The following DENND2B variants were observed in gnomAD, a reference collection of about 807,000 sequenced individuals.
DENND2B encodes DENN domain-containing protein 2B.
A neutral mutation model predicts 116.0 loss-of-function variants in DENND2B; 32 were observed. That is an observed-to-expected ratio of 0.28 (90% CI 0.21 to 0.37). DENND2B has a LOEUF of 0.37. Ranked by LOEUF, DENND2B falls within the 10% of genes least tolerant of loss-of-function variation. The probability of loss-of-function intolerance (pLI) is 1.00; values close to 1 mark genes in which losing one functional copy is unlikely to be tolerated. For missense variants in DENND2B, 1,276 were observed against 1,477.7 expected (o/e 0.86, Z 2.24); for synonymous variants, 588 against 583.9 (o/e 1.01, Z -0.10).
intron 4 of DENND2B, among the ~76,000 whole-genome samples, chr11:8,834,667 C>T (rs1359109547): frequency 6.6e-6 from 1 of 152,204 alleles, no homozygotes; most frequent in African/African-American, 2.4e-5. Context: ...ACTTTTCTTC[C>T]TCTTCATGCA....
At chr11:8,733,321 G>T (rs1011803251) in intron 2 of DENND2B, among the ~76,000 whole-genome samples, 17 of 152,316 alleles carry the variant, frequency 1.1e-4, no homozygotes, top group African/African-American at 4.1e-4. Context: ...TAGCCCCTAA[G>T]TGAATGAGTG....
Position 8,712,507 on chromosome 11 carries a change from G to T in DENND2B, c.2172+44C>A. The T allele has an allele frequency of 6.5e-7, 1 of 1,529,372 alleles. No individual in the cohort carries two copies. Among genetic ancestry groups the T allele is most frequent in the South Asian group, 1.2e-5 (1 of 81,684 alleles). 94.7% of individuals were successfully genotyped at this position (1,529,372 alleles called of 1,614,324 possible). A position where few individuals can be genotyped will look rare whatever the true frequency, so the allele number is the denominator to read the frequency against. On this transcript the variant is annotated intron_variant, in intron 9 of 19. Coordinates refer to ENST00000313726, the MANE Select transcript of DENND2B (RefSeq NM_213618.2). The surrounding 1 kb of genome is among the most constrained non-coding windows in gnomAD (Gnocchi z 4.4). ...AGATAGGCCTGGCGGATAGAGGATG[G>T]AAGAGGGGGAATATGGGCAAGGTGG...
At chr11:8,782,638 G>A (rs1237425010) in intron 1 of DENND2B, among the ~76,000 whole-genome samples, 1 of 152,094 alleles carries the variant, frequency 6.6e-6, no homozygotes, top group Non-Finnish European at 1.5e-5. Context: ...TGTAATCCCA[G>A]CACTTTGGGA....
chr11:8,702,086 A>G lies in DENND2B; in HGVS notation c.2720+486T>C, dbSNP rs566510335. On this transcript the variant is annotated intron_variant, in intron 14 of 19. Transcript: ENST00000313726. This position sits in a 1 kb window ranked among gnomAD's most constrained non-coding sequence, Gnocchi z 4.6. The stretch of plus-strand genomic sequence containing the variant: ...CTGGGCCACTGCAGTTGCCTTCTCC[A>G]GGGGACACCCTCCACAGGACCCTCG... 1.3e-4 allele frequency among the ~76,000 whole-genome samples: 20 copies of G among 152,042 alleles called. No individual in the cohort carries two copies. The South Asian group carries it at 3.5e-3, about 27-fold the overall frequency.
At chr11:8,703,077 C>T in intron 13 of DENND2B, 2 of 232,464 alleles carry the variant, frequency 8.6e-6, no homozygotes, top group Non-Finnish European at 1.7e-5. Context: ...GTCCTCCTGC[C>T]CACCTCCCCA....
chr11:8,729,567 C>T (rs945410567), intron 3 of DENND2B, among the ~76,000 whole-genome samples: 4 of 152,310 alleles, frequency 2.6e-5, no homozygotes, highest in African/African-American at 9.6e-5. Context: ...AATGCTGGTA[C>T]TTCAGGTGGT....
At position 8,862,322 on chromosome 11, in the gene DENND2B, C is replaced by CT. The variant is rs557309893; in HGVS notation, c.-249-4887dup. ...GGGGAAAAAGATTAACTTTTTCACT[C>CT]TTTTTTTTTTTTTTTTTTTTTTTTT... On this transcript the variant is annotated intron_variant, in intron 2 of 6. Transcript: ENST00000524757. 2.2e-3 allele frequency among the ~76,000 whole-genome samples: 144 copies of CT among 64,760 alleles called. 1 individual carries two copies. The highest frequency in any genetic ancestry group is 4.1e-3 in the African/African-American group (77 of 18,756). 42.5% of individuals were successfully genotyped at this position (64,760 alleles called of 152,430 possible). A position where few individuals can be genotyped will look rare whatever the true frequency, so the allele number is the denominator to read the frequency against.
chr11:8,726,602 C>T (rs2047121385), intron 3 of DENND2B, among the ~76,000 whole-genome samples: 1 of 152,368 alleles, frequency 6.6e-6, no homozygotes, highest in African/African-American at 2.4e-5. Context: ...GGCGACGTCT[C>T]ACTCCAGGGC....
intron 1 of DENND2B, chr11:8,774,183 T>C (rs1378176060): frequency 1.7e-5 from 17 of 985,364 alleles, no homozygotes; most frequent in Middle Eastern, 5.2e-4. Context: ...AGCCTTCACG[T>C]TGGGTTCTTG....
intron 4 of DENND2B, among the ~76,000 whole-genome samples, chr11:8,721,294 C>G (rs2046123901): frequency 6.7e-6 from 1 of 149,082 alleles, no homozygotes; most frequent in South Asian, 2.1e-4. Context: ...CAACCTCCCA[C>G]TCCTCTCCAC....
intron 2 of DENND2B, among the ~76,000 whole-genome samples, chr11:8,734,070 C>G (rs1003423094): frequency 6.6e-6 from 1 of 152,178 alleles, no homozygotes; most frequent in African/African-American, 2.4e-5. Context: ...ACAGAGAAGG[C>G]ACCAGTCACT....
intron 4 of DENND2B, among the ~76,000 whole-genome samples, chr11:8,829,715 AG>A (rs2062129158): frequency 6.6e-6 from 1 of 152,046 alleles, no homozygotes. Flanking sequence ...TTGTCTTAGG[AG>A]GGAGAGGCCT....
intron 4 of DENND2B, among the ~76,000 whole-genome samples, chr11:8,823,327 G>C (rs2061838280): frequency 6.6e-6 from 1 of 152,142 alleles, no homozygotes; most frequent in Non-Finnish European, 1.5e-5. Flanking sequence ...TCCAAACAGT[G>C]CTATGAAATG....
intron 2 of DENND2B, among the ~76,000 whole-genome samples, chr11:8,869,020 G>A (rs1310558831): frequency 6.6e-6 from 1 of 152,196 alleles, no homozygotes; most frequent in African/African-American, 2.4e-5. Flanking sequence ...TATCCTTAGA[G>A]TCAGTGTATT....
At chr11:8,777,109 A>G (rs137953145) in intron 1 of DENND2B, among the ~76,000 whole-genome samples, 248 of 152,308 alleles carry the variant, frequency 1.6e-3, no homozygotes, top group African/African-American at 3.8e-3. Context: ...ATTTAAGATT[A>G]CTTTGGTCCT....
At chr11:8,881,604 C>T (rs2063904402) in intron 1 of DENND2B, among the ~76,000 whole-genome samples, 2 of 152,156 alleles carry the variant, frequency 1.3e-5, no homozygotes, top group African/African-American at 2.4e-5. Context: ...GGCATGATCT[C>T]GGCCCACTGC....
chr11:8,827,187 G>T (rs1649606943), intron 4 of DENND2B, among the ~76,000 whole-genome samples: 1 of 152,208 alleles, frequency 6.6e-6, no homozygotes. Context: ...TCCTTACCCT[G>T]GGGTGATACA....
rs140485240 is a variant in DENND2B, at chr11:8,716,818, T to C, written c.1629+923A>G. On this transcript the variant is annotated intron_variant, in intron 5 of 19. Coordinates refer to ENST00000313726, the MANE Select transcript of DENND2B (RefSeq NM_213618.2). ...GTGCGCCATCATGCCCAGCTAATGT[T>C]TGTATTTTTAGTAGAGATGAGGTTT... 4.9e-3 allele frequency among the ~76,000 whole-genome samples: 747 copies of C among 152,296 alleles called. 6 individuals are homozygous for C. The highest frequency in any genetic ancestry group is 0.017 in the African/African-American group (726 of 41,564).
In DENND2B at chr11:8,694,103, T is replaced by C. The variant is rs2039877998; in HGVS notation, c.3407A>G (p.Lys1136Arg). 1.2e-6 allele frequency: 2 copies of C among 1,614,168 alleles called. No individual in the cohort carries two copies. Among genetic ancestry groups the C allele is most frequent in the Non-Finnish European group, 1.7e-6 (2 of 1,180,032 alleles). Reference sequence around the variant, plus strand: ...TGCTACTGAGAAGGAGGCTTAATTCTTCTTGTGGAGAAACTTCATTTTGTT... The same window carrying C: ...TGCTACTGAGAAGGAGGCTTAATTCCTCTTGTGGAGAAACTTCATTTTGTT... Reference protein sequence around the residue: ...LGNKMKFLHKKN With the variant: ...LGNKMKFLHKRN Residue 1136 changes from lysine to arginine, a missense_variant, in exon 20 of 20, where the codon AAG (lysine) becomes AGG (arginine). Physicochemically the swap from Lys to Arg is conservative, Grantham distance 26 (BLOSUM62 2). Coordinates refer to ENST00000313726, the MANE Select transcript of DENND2B (RefSeq NM_213618.2).
Sources: gnomAD v4.1 joint callset for allele counts (sites outside exome capture counted in the v4.1 genomes callset) on GRCh38, gnomAD v4.1.1 for gene constraint, Gnocchi (gnomAD v3.1) non-coding constraint, MANE v1.5 for transcripts, NCBI Gene and HGNC (gene_info 2026-07-23, HGNC 2026-07-21) for gene names.